FBN2: variants seen among roughly 807,000 people sequenced by gnomAD.
FBN2 encodes fibrillin-2.
A neutral mutation model predicts 355.6 loss-of-function variants in FBN2; 105 were observed. The observed-to-expected ratio is 0.30, with a 90% CI of 0.25 to 0.35. FBN2 has a LOEUF of 0.35. Ranked by LOEUF, FBN2 falls within the 10% of genes least tolerant of loss-of-function variation. The probability of loss-of-function intolerance (pLI) is 1.00; values close to 1 mark genes in which losing one functional copy is unlikely to be tolerated. For synonymous variants in FBN2, 1,350 were observed against 1,301.2 expected (o/e 1.04, Z -0.81); for missense variants, 3,280 against 3,758.7 (o/e 0.87, Z 3.33).
intron 25 of FBN2, among the ~76,000 whole-genome samples, chr5:128,340,245 T>A (rs1561779074): frequency 6.6e-6 from 1 of 152,198 alleles, no homozygotes; most frequent in Non-Finnish European, 1.5e-5. Context: ...ATGAACTTAA[T>A]TTTGAAGTTT....
intron 8 of FBN2, among the ~76,000 whole-genome samples, chr5:128,405,259 C>T (rs1412978739): frequency 1.3e-5 from 2 of 152,020 alleles, no homozygotes; most frequent in Non-Finnish European, 2.9e-5. Flanking sequence ...TTTTAATGAG[C>T]ATAGAAGGGG....
intron 7 of FBN2, among the ~76,000 whole-genome samples, chr5:128,426,396 G>C (rs2127023504): frequency 6.6e-6 from 1 of 152,220 alleles, no homozygotes; most frequent in East Asian, 1.9e-4. Context: ...TGTAGACTTA[G>C]GACGATAAGT....
intron 6 of FBN2, among the ~76,000 whole-genome samples, chr5:128,456,309 C>T (rs542156732): frequency 1.3e-5 from 2 of 152,142 alleles, no homozygotes; most frequent in Non-Finnish European, 2.9e-5. Flanking sequence ...TGGGCCTGAG[C>T]CCCTAGGGGG....
At chr5:128,480,659 A>G (rs772633880) in intron 5 of FBN2, among the ~76,000 whole-genome samples, 7 of 152,082 alleles carry the variant, frequency 4.6e-5, no homozygotes, top group Non-Finnish European at 1.0e-4. Flanking sequence ...GCAGTGAGCC[A>G]AGATTGCGCC....
rs1753473635 is a variant in FBN2, at chr5:128,426,021, A to G, written c.953-17222T>C. 5.3e-5 allele frequency among the ~76,000 whole-genome samples: 8 copies of G among 152,326 alleles called. No homozygotes were observed. The South Asian group carries it at 1.7e-3, about 32-fold the overall frequency. On this transcript the variant is annotated intron_variant, in intron 7 of 64. Transcript: ENST00000262464. ...GTCCTGTACGTGTGAAGGTGTGAGTAGGGAGAAGTCACTCCTAATGCTTTG... is the reference window on the plus strand; with the variant it reads ...GTCCTGTACGTGTGAAGGTGTGAGTGGGGAGAAGTCACTCCTAATGCTTTG...
At chr5:128,276,655 G>A (rs960521007) in intron 58 of FBN2, among the ~76,000 whole-genome samples, 1 of 152,138 alleles carries the variant, frequency 6.6e-6, no homozygotes, top group Admixed American at 6.6e-5. Flanking sequence ...TCCATCCGGA[G>A]GCTCTCCCTT....
At chr5:128,285,206 A>AGGTT (rs1554117723) in intron 55 of FBN2, among the ~76,000 whole-genome samples, 2 of 151,516 alleles carry the variant, frequency 1.3e-5, no homozygotes, top group Non-Finnish European at 2.9e-5. Context: ...TTTTTGGGTA[A>AGGTT]GTTTGATTCC....
intron 59 of FBN2, 72 bp from the exon 60 acceptor site, chr5:128,274,755 A>G (rs1765347404): frequency 1.1e-6 from 1 of 934,106 alleles, no homozygotes; most frequent in Non-Finnish European, 1.8e-6. Context: ...GTGAAGCCAC[A>G]GGAGATGCAC....
intron 6 of FBN2, among the ~76,000 whole-genome samples, chr5:128,457,450 G>A (rs1029992316): frequency 6.6e-6 from 1 of 152,102 alleles, no homozygotes; most frequent in Non-Finnish European, 1.5e-5. Context: ...GAAATACAGA[G>A]AACACGATTA....
chr5:128,382,313 T>C (rs1484748109), intron 11 of FBN2, among the ~76,000 whole-genome samples: 1 of 152,014 alleles, frequency 6.6e-6, no homozygotes, highest in Non-Finnish European at 1.5e-5. Context: ...AACATAATTC[T>C]CCATATTATT....
intron 51 of FBN2, 74 bp downstream of exon 51, chr5:128,289,808 G>A (rs1581191049): frequency 1.1e-6 from 1 of 873,732 alleles, no homozygotes; most frequent in African/African-American, 1.7e-5. Context: ...AAGTTAGCAT[G>A]AGTTATAAAA....
At chr5:128,281,327 A>G (rs1765538776) in intron 55 of FBN2, among the ~76,000 whole-genome samples, 1 of 152,130 alleles carries the variant, frequency 6.6e-6, no homozygotes, top group African/African-American at 2.4e-5. Context: ...CCTTTTCCCT[A>G]TGAACTCATA....
At chr5:128,334,224 C>T (rs995326252) in intron 31 of FBN2, among the ~76,000 whole-genome samples, 1 of 151,560 alleles carries the variant, frequency 6.6e-6, no homozygotes, top group African/African-American at 2.4e-5. Flanking sequence ...GAAGAGAAGA[C>T]AAAAGCAAAC....
chr5:128,430,543 T>C (rs1328548750), intron 7 of FBN2, among the ~76,000 whole-genome samples: 1 of 152,140 alleles, frequency 6.6e-6, no homozygotes, highest in African/African-American at 2.4e-5. Flanking sequence ...TGCAAAATCA[T>C]ATTGAAAAAA....
At position 128,456,857 on chromosome 5, in the gene FBN2, A is replaced by G. The variant is rs572289756; in HGVS notation, c.826+7867T>C. ...ACACAAAGATGAGAAAGAATCAATG[A>G]AAAAATCCTAAAAACACAAAAGGCC... On this transcript the variant is annotated intron_variant, in intron 6 of 64. Transcript: ENST00000262464. Among the ~76,000 whole-genome samples, 22 of 151,884 alleles carry G rather than the reference A, an allele frequency of 1.4e-4. No homozygotes were observed. The South Asian group carries it at 4.4e-3, about 30-fold the overall frequency.
intron 2 of FBN2, among the ~76,000 whole-genome samples, chr5:128,534,719 G>C (rs537254451): frequency 6.6e-6 from 1 of 152,162 alleles, no homozygotes; most frequent in South Asian, 2.1e-4. Context: ...TGATCAGTGG[G>C]GCCATACATA....
rs530315764 is a variant in FBN2, at chr5:128,319,448, T to C, written c.4472-447A>G. Among the ~76,000 whole-genome samples the C allele has an allele frequency of 1.1e-4, 17 of 151,922 alleles. 1 individual carries two copies. In the East Asian group the frequency reaches 2.3e-3, roughly 21 times the overall value. ...AACAAATACATAATCATTTTAAATA[T>C]TGGAGATATTAAAATTAACTTTTTA... On this transcript the variant is annotated intron_variant, in intron 34 of 64. Transcript: ENST00000262464.
At position 128,263,721 on chromosome 5, in the gene FBN2, C is replaced by G. The variant is rs556012593; in HGVS notation, c.7961-65G>C. 33 of 1,147,470 alleles carry G rather than the reference C, an allele frequency of 2.9e-5. 1 individual carries two copies. In the South Asian group the frequency reaches 4.5e-4, roughly 16 times the overall value. 71.1% of individuals were successfully genotyped at this position (1,147,470 alleles called of 1,614,324 possible). On this transcript the variant is annotated intron_variant, in intron 62 of 64. Coordinates refer to ENST00000262464, the MANE Select transcript of FBN2 (RefSeq NM_001999.4). ...GGCAAGAGCAAAAACGTGAACAAGT[C>G]TGGAGTCTCAAGTGCCTGTGATTTT...
In FBN2 at chr5:128,288,176, T is replaced by G. The variant is rs1418385482; in HGVS notation, c.6757+262A>C. On this transcript the variant is annotated intron_variant, in intron 53 of 64. Coordinates refer to ENST00000262464, the MANE Select transcript of FBN2 (RefSeq NM_001999.4). ...AAAAGGCAGGAAACTGTGACTCCAT[T>G]TCAAGGGAATAGACAATCAAGAGAT... is the stretch of plus-strand genomic sequence containing the variant. 2.6e-5 allele frequency among the ~76,000 whole-genome samples: 4 copies of G among 152,138 alleles called. No homozygotes were observed. In the East Asian group the frequency reaches 7.7e-4, roughly 29 times the overall value.
Sources: allele counts gnomAD v4.1 joint callset (sites outside exome capture counted in the v4.1 genomes callset), GRCh38; gene constraint gnomAD v4.1.1; transcripts MANE v1.5; gene names NCBI Gene and HGNC (gene_info 2026-07-23, HGNC 2026-07-21).